SS18L1: variants seen among roughly 807,000 people sequenced by gnomAD.
The protein encoded by SS18L1 is calcium-responsive transactivator.
SS18L1 carries 32 observed loss-of-function variants against 70.3 expected under a neutral mutation model. The observed-to-expected ratio is 0.46, with a 90% CI of 0.34 to 0.61. The LOEUF (loss-of-function observed/expected upper bound fraction) is 0.61, where lower values mean the gene tolerates loss of function less well. Ranked by LOEUF, SS18L1 falls within the 20% of genes least tolerant of loss-of-function variation. The pLI is 0.01. For synonymous variants in SS18L1, 237 were observed against 229.7 expected (o/e 1.03, Z -0.29); for missense variants, 430 against 542.1 (o/e 0.79, Z 2.05).
intron 8 of SS18L1, among the ~76,000 whole-genome samples, chr20:62,172,320 C>T (rs1487797397): frequency 1.4e-5 from 2 of 145,246 alleles, no homozygotes; most frequent in Non-Finnish European, 1.5e-5. Context: ...GAGCGAGGCC[C>T]TGTCTCTGAA....
intron 1 of SS18L1, among the ~76,000 whole-genome samples, chr20:62,156,294 T>C (rs956578920): frequency 6.6e-6 from 1 of 152,170 alleles, no homozygotes; most frequent in Non-Finnish European, 1.5e-5. Context: ...CCCATAGTTG[T>C]CCCTTCCTGC....
chr20:62,175,254 G>A (rs1601059097), intron 10 of SS18L1: 1 of 985,190 alleles, frequency 1.0e-6, no homozygotes, highest in Non-Finnish European at 1.2e-6. Flanking sequence ...TTGGAAGATG[G>A]AAGAGCGGGA....
chr20:62,179,143 T>TTAC, intron 10 of SS18L1, 39 bp from the exon 11 acceptor site: 1 of 1,613,128 alleles, frequency 6.2e-7, no homozygotes, highest in Non-Finnish European at 8.5e-7. Flanking sequence ...CTTTCACTCA[T>TTAC]TACTATAGGG....
chr20:62,163,034 T>C (rs1025002288), intron 5 of SS18L1, 103 bp downstream of exon 5: 1 of 1,455,808 alleles, frequency 6.9e-7, no homozygotes, highest in Non-Finnish European at 9.3e-7. Flanking sequence ...GCCCTCCTGC[T>C]GGGTGCTGGA....
At chr20:62,151,848 C>T (rs2427264) in intron 1 of SS18L1, among the ~76,000 whole-genome samples, 9,304 of 138,430 alleles carry the variant, frequency 0.067, 1,221 homozygotes, top group African/African-American at 0.26. Context: ...TCCCCCGTTC[C>T]CCTCTTTTCC....
rs1205075091 is a variant in SS18L1 at position 62,181,720 on chromosome 20, ATAT to A, written c.*2516_*2518del. 4.5e-6 allele frequency: 1 copy of A among 222,268 alleles called. No homozygotes were observed. Among genetic ancestry groups the A allele is most frequent in the Admixed American group, 5.7e-5 (1 of 17,394 alleles). 13.8% of individuals were successfully genotyped at this position (222,268 alleles called of 1,614,324 possible). On this transcript the variant is annotated 3_prime_UTR_variant, in exon 11 of 11. Transcript: ENST00000331758. ...TTAATGTGCTGTCCATTTTTATGTA[ATAT>A]TATGGGGAAAGTGATGCCAGCAGTT...
intron 8 of SS18L1, among the ~76,000 whole-genome samples, chr20:62,170,013 C>T (rs115508964): frequency 1.4e-4 from 22 of 152,306 alleles, no homozygotes; most frequent in African/African-American, 2.9e-4. Context: ...GCCTTGGCTG[C>T]GTCCTCGTGT....
intron 8 of SS18L1, among the ~76,000 whole-genome samples, chr20:62,169,239 G>C (rs549665862): frequency 1.2e-4 from 18 of 152,238 alleles, no homozygotes; most frequent in Admixed American, 3.9e-4. Flanking sequence ...CATGGGATGT[G>C]CCTCTGTGAA....
rs1187676803 is a variant in SS18L1, at chr20:62,174,747, T to A, written c.1164+103T>A. ...TGAGGAATAATGAGCTGGAACTAACTGGCTTCCAGGGTTCCTTCCAGAACG... is the reference window on the plus strand; with the variant it reads ...TGAGGAATAATGAGCTGGAACTAACAGGCTTCCAGGGTTCCTTCCAGAACG... On this transcript the variant is annotated intron_variant, in intron 10 of 10. Coordinates refer to ENST00000331758, the MANE Select transcript of SS18L1 (RefSeq NM_198935.3). The surrounding 1 kb of genome is among the most constrained non-coding windows in gnomAD (Gnocchi z 4.1). 1.9e-6 allele frequency: 3 copies of A among 1,605,982 alleles called. No individual in the cohort carries two copies. The African/African-American group carries it at 4.0e-5, about 21-fold the overall frequency.
rs189519004 is a variant in SS18L1, at chr20:62,179,433, G to A, written c.*225G>A. 1.0e-5 allele frequency: 6 copies of A among 578,764 alleles called. No individual in the cohort carries two copies. Among genetic ancestry groups the A allele is most frequent in the African/African-American group, 5.6e-5 (3 of 53,472 alleles). 35.9% of individuals were successfully genotyped at this position (578,764 alleles called of 1,614,324 possible). A position where few individuals can be genotyped will look rare whatever the true frequency, so the allele number is the denominator to read the frequency against. ...TACTTTTGGTGCTGTGTATAGTATTGTATGTCGGTACACGGAGAGGTATCC... is the reference window on the plus strand; with the variant it reads ...TACTTTTGGTGCTGTGTATAGTATTATATGTCGGTACACGGAGAGGTATCC... On this transcript the variant is annotated 3_prime_UTR_variant, in exon 11 of 11. Coordinates refer to ENST00000331758, the MANE Select transcript of SS18L1 (RefSeq NM_198935.3).
chr20:62,171,988 T>C (rs4925350), intron 8 of SS18L1, among the ~76,000 whole-genome samples: 147,380 of 152,256 alleles, frequency 0.97, 71,350 homozygotes, highest in East Asian at 1. Flanking sequence ...TGGTGAAACT[T>C]CATCTCTACT....
At position 62,179,365 on chromosome 20, in the gene SS18L1, C is replaced by G. The variant is rs1176571185; in HGVS notation, c.*157C>G. The G allele has an allele frequency of 4.3e-5, 33 of 769,154 alleles. No individual in the cohort carries two copies. Among genetic ancestry groups the G allele is most frequent in the Non-Finnish European group, 8.8e-6 (4 of 452,074 alleles). The allele number at this position is 769,154 out of a possible 1,614,324, so 47.6% of individuals were successfully genotyped here. A position where few individuals can be genotyped will look rare whatever the true frequency, so the allele number is the denominator to read the frequency against. On this transcript the variant is annotated 3_prime_UTR_variant, in exon 11 of 11. Transcript: ENST00000331758. Reference sequence around the variant, plus strand: ...TGCTCATTTCATGCTGGGTATGACGCCGAGCGCACACCACTGGCGTGAGAC... The same window carrying G: ...TGCTCATTTCATGCTGGGTATGACGGCGAGCGCACACCACTGGCGTGAGAC...
Position 62,164,266 on chromosome 20 carries a change from T to C in SS18L1, c.823+20T>C, listed in dbSNP as rs770370162. On this transcript the variant is annotated intron_variant, in intron 7 of 10. Coordinates refer to ENST00000331758, the MANE Select transcript of SS18L1 (RefSeq NM_198935.3). ...CCGACGGTGAGCACTGGCGGCGGCC[T>C]GACCCCGCCCAGGAACGCAGAGCAG... The C allele has an allele frequency of 1.3e-6, 2 of 1,541,098 alleles. No individual in the cohort carries two copies. Among genetic ancestry groups the C allele is most frequent in the South Asian group, 2.4e-5 (2 of 83,148 alleles).
intron 8 of SS18L1, among the ~76,000 whole-genome samples, chr20:62,169,695 C>G (rs1218791870): frequency 6.6e-6 from 1 of 152,044 alleles, no homozygotes; most frequent in East Asian, 1.9e-4. Context: ...ATGAGAATCA[C>G]TTGAACCCAG....
intron 8 of SS18L1, among the ~76,000 whole-genome samples, chr20:62,172,051 A>G (rs2057540799): frequency 6.6e-6 from 1 of 151,810 alleles, no homozygotes; most frequent in African/African-American, 2.4e-5. Flanking sequence ...AGTCCCAGCT[A>G]CTCGGGAGGC....
At position 62,161,234 on chromosome 20, in the gene SS18L1, G is replaced by C. The variant is rs904834844; in HGVS notation, c.232-202G>C. Among the ~76,000 whole-genome samples the C allele has an allele frequency of 5.3e-5, 8 of 150,758 alleles. No individual in the cohort carries two copies. The stretch of plus-strand genomic sequence containing the variant: ...CAGTAGGGTTGTGAACGCTCACCCA[G>C]ATGCTCACTCTGCCATCTCCATCTG... On this transcript the variant is annotated intron_variant, in intron 3 of 10. Coordinates refer to ENST00000331758, the MANE Select transcript of SS18L1 (RefSeq NM_198935.3). This position sits in a 1 kb window ranked among gnomAD's most constrained non-coding sequence, Gnocchi z 4.4.
At chr20:62,176,798 A>AAAAAAG (rs2145791859) in intron 10 of SS18L1, among the ~76,000 whole-genome samples, 1 of 151,898 alleles carries the variant, frequency 6.6e-6, no homozygotes, top group Middle Eastern at 3.4e-3. Flanking sequence ...CCATCTCAAA[A>AAAAAAG]AAAAGAAAAA....
intron 1 of SS18L1, chr20:62,154,223 G>T: frequency 1.5e-6 from 1 of 664,826 alleles, no homozygotes; most frequent in South Asian, 6.9e-5. Context: ...AAGGACCCTG[G>T]GACCATGTCT....
At chr20:62,175,963 G>C (rs1196076832) in intron 10 of SS18L1, among the ~76,000 whole-genome samples, 2 of 152,246 alleles carry the variant, frequency 1.3e-5, no homozygotes, top group Non-Finnish European at 2.9e-5. Context: ...CCTCTCCCCA[G>C]TGTGTGCTGG....
Sources: gnomAD v4.1 joint callset for allele counts (sites outside exome capture counted in the v4.1 genomes callset) on GRCh38, gnomAD v4.1.1 for gene constraint, Gnocchi (gnomAD v3.1) non-coding constraint, MANE v1.5 for transcripts, NCBI Gene and HGNC (gene_info 2026-07-23, HGNC 2026-07-21) for gene names.